DNAH9: variants seen among roughly 807,000 people sequenced by gnomAD.
DNAH9 encodes dynein axonemal heavy chain 9.
Under a neutral mutation model 471.6 loss-of-function variants are expected in DNAH9, and 345 were observed. The ratio of observed to expected loss-of-function variants is 0.73; its 90% CI spans 0.67 to 0.80. The LOEUF is 0.80. Among genes scored for constraint, DNAH9 ranks in the 30% least tolerant of loss-of-function variants. DNAH9 has a pLI of 0.00. For missense variants in DNAH9, 5,407 were observed against 5,609.2 expected (o/e 0.96, Z 1.15); for synonymous variants, 2,093 against 2,123.6 (o/e 0.99, Z 0.40).
intron 59 of DNAH9, among the ~76,000 whole-genome samples, chr17:11,899,160 TA>T (rs777468234): frequency 1.4e-4 from 20 of 146,306 alleles, no homozygotes; most frequent in Non-Finnish European, 2.7e-4. Flanking sequence ...AAAATAAGTA[TA>T]ATTGAATAGG....
intron 66 of DNAH9, among the ~76,000 whole-genome samples, chr17:11,940,195 C>T (rs1375146713): frequency 6.6e-6 from 1 of 152,176 alleles, no homozygotes; most frequent in East Asian, 1.9e-4. Context: ...CCTTGGAACC[C>T]ACTCCTCCTA....
At chr17:11,953,565 A>C (rs1975487686) in intron 67 of DNAH9, among the ~76,000 whole-genome samples, 1 of 152,114 alleles carries the variant, frequency 6.6e-6, no homozygotes, top group Non-Finnish European at 1.5e-5. Flanking sequence ...TAATCCCAGC[A>C]CTTTGGGAGG....
rs746282006 is a variant in DNAH9, at chr17:11,962,307, C to T, written c.13233+51C>T. 5 of 1,520,866 alleles carry T rather than the reference C, an allele frequency of 3.3e-6. No individual in the cohort carries two copies. The highest frequency in any genetic ancestry group is 4.4e-6 in the Non-Finnish European group (5 of 1,140,262). 94.2% of individuals were successfully genotyped at this position (1,520,866 alleles called of 1,614,324 possible). A position where few individuals can be genotyped will look rare whatever the true frequency, so the allele number is the denominator to read the frequency against. On this transcript the variant is annotated intron_variant, in intron 68 of 68. Transcript: ENST00000262442. The surrounding 1 kb of genome is among the most constrained non-coding windows in gnomAD (Gnocchi z 4.1). ...CAGCTTTCTGGGGGCTGATTAAATA[C>T]ACATTGCTTCCTATGAAGTGTGACT... is the stretch of plus-strand genomic sequence containing the variant.
chr17:11,908,269 C>T lies in DNAH9; in HGVS notation c.11749+2460C>T, dbSNP rs77253813. ...ATTCAAACCTGTGTTGTTCAAGGGT[C>T]GACTGTACTCTCTTTTTCTATATTC... On this transcript the variant is annotated intron_variant, in intron 61 of 68. Coordinates refer to ENST00000262442, the MANE Select transcript of DNAH9 (RefSeq NM_001372.4). 3.4e-3 allele frequency among the ~76,000 whole-genome samples: 518 copies of T among 152,276 alleles called. 1 individual carries two copies. Among genetic ancestry groups the T allele is most frequent in the African/African-American group, 0.012 (489 of 41,530 alleles).
chr17:11,873,120 G>A (rs529358330), intron 52 of DNAH9, among the ~76,000 whole-genome samples: 1 of 152,310 alleles, frequency 6.6e-6, no homozygotes, highest in South Asian at 2.1e-4. Flanking sequence ...TTTTTAAAAT[G>A]CTAGCAAATA....
chr17:11,753,592 G>C (rs965923725), intron 33 of DNAH9, among the ~76,000 whole-genome samples: 1 of 152,110 alleles, frequency 6.6e-6, no homozygotes, highest in African/African-American at 2.4e-5. Context: ...GCTTGAACCC[G>C]GAGGCAGAGG....
At chr17:11,829,212 G>A (rs1482015296) in intron 48 of DNAH9, among the ~76,000 whole-genome samples, 1 of 152,162 alleles carries the variant, frequency 6.6e-6, no homozygotes, top group Non-Finnish European at 1.5e-5. Context: ...AAAGACTGAA[G>A]TATACCATCA....
chr17:11,670,753 G>T (rs2073959996), intron 17 of DNAH9, among the ~76,000 whole-genome samples: 3 of 151,468 alleles, frequency 2.0e-5, no homozygotes, highest in Admixed American at 1.3e-4. Flanking sequence ...GCCTAGGCTG[G>T]AGTGCAATGG....
intron 52 of DNAH9, among the ~76,000 whole-genome samples, chr17:11,873,944 C>T (rs1040453192): frequency 6.6e-6 from 1 of 151,916 alleles, no homozygotes; most frequent in Non-Finnish European, 1.5e-5. Flanking sequence ...AAAAGATTGC[C>T]TGTAAAAAAA....
chr17:11,856,850 A>T (rs146911270), intron 50 of DNAH9, among the ~76,000 whole-genome samples: 32 of 152,308 alleles, frequency 2.1e-4, no homozygotes, highest in African/African-American at 7.5e-4. Flanking sequence ...CACATGCAAG[A>T]CACCGTCACA....
In DNAH9 at chr17:11,704,328, C is replaced by T. The variant is rs770163503; in HGVS notation, c.5277C>T (p.Thr1759=). The T allele has an allele frequency of 3.7e-6, 6 of 1,614,148 alleles. No individual in the cohort carries two copies. The highest frequency in any genetic ancestry group is 3.3e-5 in the South Asian group (3 of 91,078). The change falls in exon 25 of 69, where the codon ACC becomes ACT. Residue 1759 remains threonine (T), a synonymous_variant. Transcript: ENST00000262442. ...AGAAGCAAGTGGCCCAGCTCAAAAC[C>T]CTTATCACCATGCTGATTGGCCAGC... The part of the protein sequence containing the change: ...YYKKQVAQLK[T]LITMLIGQLS...
chr17:11,698,149 ATAT>A (rs1344870329), intron 22 of DNAH9, among the ~76,000 whole-genome samples: 2 of 48,244 alleles, frequency 4.1e-5, no homozygotes, highest in Non-Finnish European at 9.6e-5. Flanking sequence ...TATTAGTATT[ATAT>A]TATTAATATA....
rs1970795456 is a variant in DNAH9 at position 11,834,886 on chromosome 17, C to T, written c.9495C>T (p.Asn3165=). 1.2e-6 allele frequency: 2 copies of T among 1,613,002 alleles called. No homozygotes were observed. The highest frequency in any genetic ancestry group is 1.7e-6 in the Non-Finnish European group (2 of 1,179,752). Residue 3165 remains asparagine, a synonymous_variant, in exon 49 of 69, where the codon AAC becomes AAT. Coordinates refer to ENST00000262442, the MANE Select transcript of DNAH9 (RefSeq NM_001372.4). ...PALTAAQAAL[N]TLNKTNLTEL... ...TCACAGCAGCGCAGGCAGCTCTCAA[C>T]ACCCTGAACAAGGTAGGAGGACTGT... is the stretch of plus-strand genomic sequence containing the variant.
chr17:11,776,304 T>C (rs1023992676), intron 38 of DNAH9, among the ~76,000 whole-genome samples: 2 of 150,516 alleles, frequency 1.3e-5, no homozygotes, highest in Non-Finnish European at 2.9e-5. Context: ...TCTTGGCTGC[T>C]CCTTCAAGGT....
intron 9 of DNAH9, among the ~76,000 whole-genome samples, chr17:11,637,817 C>T (rs2073192092): frequency 1.3e-5 from 2 of 151,930 alleles, no homozygotes; most frequent in Admixed American, 6.6e-5. Context: ...AGCAAAGATG[C>T]ATTGTGGATG....
Position 11,893,049 on chromosome 17 carries a change from C to T in DNAH9, c.11283+1102C>T, listed in dbSNP as rs1469335280. On this transcript the variant is annotated intron_variant, in intron 58 of 68. Transcript: ENST00000262442. ...CAATTCCAAAAGTCAGATATCCCATCATCACTTGTGTGCTGACTCTGTTTT... is the reference window on the plus strand; with the variant it reads ...CAATTCCAAAAGTCAGATATCCCATTATCACTTGTGTGCTGACTCTGTTTT... Among the ~76,000 whole-genome samples the T allele has an allele frequency of 2.6e-5, 4 of 152,088 alleles. No homozygotes were observed. In the East Asian group the frequency reaches 7.8e-4, roughly 29 times the overall value.
At chr17:11,735,308 G>A (rs1000628705) in intron 28 of DNAH9, among the ~76,000 whole-genome samples, 1 of 152,158 alleles carries the variant, frequency 6.6e-6, no homozygotes, top group African/African-American at 2.4e-5. Context: ...ATTCCTTGCT[G>A]TGACAACAAA....
intron 52 of DNAH9, among the ~76,000 whole-genome samples, chr17:11,872,485 ATCACTTCT>A (rs1448147015): frequency 6.6e-6 from 1 of 151,934 alleles, no homozygotes; most frequent in Admixed American, 6.6e-5. Flanking sequence ...GCACTTTCGC[ATCACTTCT>A]AGCAACCCAC....
intron 4 of DNAH9, among the ~76,000 whole-genome samples, chr17:11,616,306 T>C (rs2072742155): frequency 6.6e-6 from 1 of 152,210 alleles, no homozygotes; most frequent in Non-Finnish European, 1.5e-5. Context: ...TTGAAACTGC[T>C]TCCTAAATAG....
Sources: gnomAD v4.1 joint callset for allele counts (sites outside exome capture counted in the v4.1 genomes callset) on GRCh38, gnomAD v4.1.1 for gene constraint, Gnocchi (gnomAD v3.1) non-coding constraint, MANE v1.5 for transcripts, NCBI Gene and HGNC (gene_info 2026-07-23, HGNC 2026-07-21) for gene names.